The following DYDC2 variants were observed in gnomAD, a reference collection of about 807,000 sequenced individuals.
DYDC2 encodes DPY30 domain containing 2.
DYDC2 carries 19 observed loss-of-function variants against 18.7 expected under a neutral mutation model. That is an observed-to-expected ratio of 1.02 (90% CI 0.71 to 1.49). DYDC2 has a LOEUF of 1.49. Among genes scored for constraint, DYDC2 ranks in the 40% most tolerant of loss-of-function variants. The probability of loss-of-function intolerance (pLI) is 0.00; values close to 1 mark genes in which losing one functional copy is unlikely to be tolerated. For missense variants in DYDC2, 179 were observed against 205.1 expected, an observed-to-expected ratio of 0.87 and a Z score of 0.78; for synonymous variants, 63 against 67.6, an observed-to-expected ratio of 0.93 and a Z score of 0.34.
At chr10:80,362,048 A>G (rs1538820) in intron 2 of DYDC2, among the ~76,000 whole-genome samples, 1 of 152,256 alleles carries the variant, frequency 6.6e-6, no homozygotes, top group Admixed American at 6.5e-5. Flanking sequence ...ATAGATATGT[A>G]TAAGATAGAT....
intron 1 of DYDC2, chr10:80,351,767 T>A (rs952604263): frequency 2.6e-6 from 2 of 762,682 alleles, no homozygotes; most frequent in Non-Finnish European, 4.2e-6. Flanking sequence ...GACACACACA[T>A]CCATAAAGAT....
chr10:80,358,024 A>G lies in DYDC2; in HGVS notation c.-31A>G. On this transcript the variant is annotated 5_prime_UTR_variant, in exon 2 of 5. Transcript: ENST00000256039. ...TCAGAGGAGCTCTGGGAAACACTGA[A>G]AAATAGCCTCTCCCCCCATTGGTGA... 1 of 985,540 alleles carries G rather than the reference A, an allele frequency of 1.0e-6. No homozygotes were observed. Among genetic ancestry groups the G allele is most frequent in the Non-Finnish European group, 1.2e-6 (1 of 830,066 alleles). 61.0% of individuals were successfully genotyped at this position (985,540 alleles called of 1,614,324 possible).
chr10:80,350,334 G>A (rs1207815807), intron 1 of DYDC2, among the ~76,000 whole-genome samples: 2 of 152,142 alleles, frequency 1.3e-5, no homozygotes, highest in Non-Finnish European at 2.9e-5. Flanking sequence ...TCCCACTTAC[G>A]ATGTAATTGC....
Position 80,367,039 on chromosome 10 carries a change from T to A in DYDC2, c.*88T>A. The A allele has an allele frequency of 3.3e-6, 5 of 1,504,316 alleles. No homozygotes were observed. Among genetic ancestry groups the A allele is most frequent in the Non-Finnish European group, 2.7e-6 (3 of 1,127,388 alleles). 93.2% of individuals were successfully genotyped at this position (1,504,316 alleles called of 1,614,324 possible). Reference sequence around the variant, plus strand: ...GCTAGAACCAAGATTTAAGGGGCTGTAAAAGGCAAGTTCAGGGACTCTCCA... The same window carrying A: ...GCTAGAACCAAGATTTAAGGGGCTGAAAAAGGCAAGTTCAGGGACTCTCCA... On this transcript the variant is annotated 3_prime_UTR_variant, in exon 5 of 5. Coordinates refer to ENST00000256039, the MANE Select transcript of DYDC2 (RefSeq NM_032372.6).
chr10:80,357,006 A>T (rs1244421485), intron 1 of DYDC2, among the ~76,000 whole-genome samples, 181 bp downstream of exon 1: 1 of 94,704 alleles, frequency 1.1e-5, no homozygotes, highest in African/African-American at 4.1e-5. Flanking sequence ...CGCGGCAGAG[A>T]GGAGGGGGCG....
chr10:80,364,100 G>A (rs7098045), intron 4 of DYDC2, among the ~76,000 whole-genome samples: 2 of 152,032 alleles, frequency 1.3e-5, no homozygotes, highest in Non-Finnish European at 2.9e-5. Flanking sequence ...GTGCATTAAA[G>A]TCTTTAATGC....
At position 80,363,035 on chromosome 10, in the gene DYDC2, G is replaced by A. The variant is rs567841615; in HGVS notation, c.232G>A (p.Glu78Lys). Residue 78 changes from glutamate (E) to lysine (K), a missense_variant, in exon 4 of 5, where the codon GAG becomes AAG. Transcript: ENST00000256039. ...AATGACAGAAATGCTGAAACAGGAAGAGTATCAGATTCAACAGAACTGTGA... is the reference window on the plus strand; with the variant it reads ...AATGACAGAAATGCTGAAACAGGAAAAGTATCAGATTCAACAGAACTGTGA... ...MEMTEMLKQEEYQIQQNCEKC... is the reference protein window; with the variant it reads ...MEMTEMLKQEKYQIQQNCEKC... The A allele has an allele frequency of 3.1e-6, 5 of 1,613,960 alleles. No individual in the cohort carries two copies. Among genetic ancestry groups the A allele is most frequent in the African/African-American group, 1.3e-5 (1 of 75,024 alleles).
At chr10:80,358,191 A>G (rs570256866) in intron 2 of DYDC2, 146 bp downstream of exon 2, 8 of 407,988 alleles carry the variant, frequency 2.0e-5, no homozygotes, top group Non-Finnish European at 2.6e-5. Flanking sequence ...CAGCCTGGCC[A>G]ACATGGAGAA....
upstream of DYDC2, among the ~76,000 whole-genome samples, chr10:80,353,467 G>A (rs1843132660): frequency 6.6e-6 from 1 of 150,940 alleles, no homozygotes; most frequent in South Asian, 2.1e-4. Context: ...TGGCCGACCA[G>A]ATTGTTTTTA....
intron 4 of DYDC2, 93 bp downstream of exon 4, chr10:80,363,166 C>A: frequency 2.2e-6 from 3 of 1,335,070 alleles, no homozygotes. Context: ...ATCCAAGGCA[C>A]ATTAAGGGTC....
upstream of DYDC2, among the ~76,000 whole-genome samples, chr10:80,353,949 A>G (rs1342596111): frequency 6.6e-6 from 1 of 151,916 alleles, no homozygotes; most frequent in African/African-American, 2.4e-5. Context: ...CCCAGTCTCT[A>G]CTGAAAATAC....
upstream of DYDC2, chr10:80,356,430 TGTATCTGGCAACCTCCCGGGGCGCTCA>T (rs1843371354): frequency 1.0e-6 from 1 of 985,004 alleles, no homozygotes; most frequent in African/African-American, 1.8e-5. Context: ...GATACAGTAT[TGTATCTGGCAACCTCCCGGGGCGCTCA>T]GTGTGGTTTT....
chr10:80,362,965 G>A lies in DYDC2; in HGVS notation c.162G>A (p.Lys54=), dbSNP rs1405722887. 1 of 1,613,550 alleles carries A rather than the reference G, an allele frequency of 6.2e-7. No individual in the cohort carries two copies. Among genetic ancestry groups the A allele is most frequent in the Non-Finnish European group, 8.5e-7 (1 of 1,179,862 alleles). ...AKAKEENREK[K]IHLQEEYDSS... is the part of the protein sequence containing the mutation. ...CCTCACCCCAGAATAGGGAAAAGAA[G>A]ATCCACCTGCAGGAGGAATATGACA... The change falls in exon 4 of 5, where the codon AAG becomes AAA. Residue 54 remains lysine, a synonymous_variant. Coordinates refer to ENST00000256039, the MANE Select transcript of DYDC2 (RefSeq NM_032372.6).
At chr10:80,350,860 G>A (rs1221865621) in intron 1 of DYDC2, among the ~76,000 whole-genome samples, 1 of 152,072 alleles carries the variant, frequency 6.6e-6, no homozygotes, top group African/African-American at 2.4e-5. Context: ...TGTACTCCAT[G>A]ACCCATCCCT....
In DYDC2 at chr10:80,366,028, C is replaced by CTTTTTTTTT. The variant is rs770351822; in HGVS notation, c.271-646_271-638dup. Among the ~76,000 whole-genome samples, 20 of 90,318 alleles carry CTTTTTTTTT rather than the reference C, an allele frequency of 2.2e-4. 1 individual carries two copies. The highest frequency in any genetic ancestry group is 4.4e-4 in the African/African-American group (11 of 25,280). 59.3% of individuals were successfully genotyped at this position (90,318 alleles called of 152,430 possible). A position where few individuals can be genotyped will look rare whatever the true frequency, so the allele number is the denominator to read the frequency against. On this transcript the variant is annotated intron_variant, in intron 4 of 4. Transcript: ENST00000256039. ...GTCATTTTGGGACCTTTTTCTTTCT[C>CTTTTTTTTT]TTTTTTTTTTTTTTTTTTTTTTGAG...
chr10:80,352,553 C>T (rs747946476), upstream of DYDC2: 2 of 1,613,474 alleles, frequency 1.2e-6, no homozygotes, highest in South Asian at 1.1e-5. Context: ...TCTGCAAGAC[C>T]TTGAGTTAAA....
intron 1 of DYDC2, among the ~76,000 whole-genome samples, chr10:80,351,355 C>T (rs930945593): frequency 1.3e-5 from 2 of 151,504 alleles, no homozygotes; most frequent in African/African-American, 4.8e-5. Context: ...ACTCTATTTC[C>T]TAATGTCACC....
At chr10:80,345,725 T>C (rs940686037) in intron 1 of DYDC2, among the ~76,000 whole-genome samples, 2 of 152,188 alleles carry the variant, frequency 1.3e-5, no homozygotes, top group Non-Finnish European at 2.9e-5. Context: ...TAACATCATG[T>C]CCTTCAGTTT....
At chr10:80,346,444 C>CTTTTTTTTTTTTTTTTTTTTTTTTTTTT (rs1032729095) in intron 1 of DYDC2, among the ~76,000 whole-genome samples, 5 of 83,358 alleles carry the variant, frequency 6.0e-5, no homozygotes, top group Admixed American at 1.6e-4. Flanking sequence ...TCTTCCCTTT[C>CTTTTTTTTTTTTTTTTTTTTTTTTTTTT]TTTTTTTTTT....
Sources: gnomAD v4.1 joint callset for allele counts (sites outside exome capture counted in the v4.1 genomes callset) on GRCh38, gnomAD v4.1.1 for gene constraint, MANE v1.5 for transcripts, NCBI Gene and HGNC (gene_info 2026-07-23, HGNC 2026-07-21) for gene names.